Variants in GPC5 observed in about 807,000 individuals in gnomAD.
The protein encoded by GPC5 is glypican 5.
In GPC5, 47 loss-of-function variants were observed where a neutral mutation model predicts 53.9. The ratio of observed to expected loss-of-function variants is 0.87; its 90% CI spans 0.69 to 1.11. The LOEUF (loss-of-function observed/expected upper bound fraction) is 1.11, where lower values mean the gene tolerates loss of function less well. Ranked by LOEUF, GPC5 falls within the 50% of genes most tolerant of loss-of-function variation. GPC5 has a pLI of 0.00. For synonymous variants in GPC5, 286 were observed against 263.3 expected, an observed-to-expected ratio of 1.09 and a Z score of -0.84; for missense variants, 748 against 713.1, an observed-to-expected ratio of 1.05 and a Z score of -0.56.
chr13:92,227,523 A>G (rs550036010), intron 7 of GPC5, among the ~76,000 whole-genome samples: 2 of 152,296 alleles, frequency 1.3e-5, no homozygotes, highest in South Asian at 4.1e-4. Context: ...CTTAAATGTA[A>G]ACAGAGCCAA....
intron 6 of GPC5, among the ~76,000 whole-genome samples, chr13:91,910,541 G>A (rs1021997051): frequency 7.9e-5 from 12 of 151,956 alleles, no homozygotes; most frequent in African/African-American, 2.4e-4. Flanking sequence ...CCATAGGGAC[G>A]TACCTATATT....
intron 7 of GPC5, among the ~76,000 whole-genome samples, chr13:92,257,546 A>ATTTTTTTTTTGTTTTTTTTTTTT (rs2042735349): frequency 1.4e-5 from 1 of 72,966 alleles, no homozygotes; most frequent in Admixed American, 1.9e-4. Context: ...TAATACAGGG[A>ATTTTTTTTTTGTTTTTTTTTTTT]TTTTTTTTTT....
intron 7 of GPC5, among the ~76,000 whole-genome samples, chr13:92,183,277 G>A (rs558707998): frequency 6.6e-6 from 1 of 152,142 alleles, no homozygotes; most frequent in South Asian, 2.1e-4. Flanking sequence ...AAGCTCTTAC[G>A]AAGTATAAGC....
intron 1 of GPC5, among the ~76,000 whole-genome samples, chr13:91,403,368 G>T (rs1281453378): frequency 6.6e-6 from 1 of 152,164 alleles, no homozygotes; most frequent in Non-Finnish European, 1.5e-5. Flanking sequence ...ATAGGATTTG[G>T]GCTTGTGGTG....
At chr13:92,506,093 TAAAGGTC>T (rs1276014606) in intron 7 of GPC5, among the ~76,000 whole-genome samples, 2 of 152,128 alleles carry the variant, frequency 1.3e-5, no homozygotes, top group African/African-American at 4.8e-5. Flanking sequence ...TATGCCACAT[TAAAGGTC>T]AATTTTATTG....
At chr13:92,093,036 A>G (rs1333502960) in intron 6 of GPC5, among the ~76,000 whole-genome samples, 1 of 152,210 alleles carries the variant, frequency 6.6e-6, no homozygotes, top group Non-Finnish European at 1.5e-5. Flanking sequence ...CAGTTGTGAA[A>G]CAGGTAAAAC....
At chr13:91,688,924 C>T (rs1052945006) in intron 2 of GPC5, among the ~76,000 whole-genome samples, 1 of 151,582 alleles carries the variant, frequency 6.6e-6, no homozygotes, top group Admixed American at 6.6e-5. Context: ...CTGTGGGAGG[C>T]TGAAGGAGCA....
At chr13:92,162,761 G>T (rs1281231029) in intron 7 of GPC5, among the ~76,000 whole-genome samples, 1 of 152,116 alleles carries the variant, frequency 6.6e-6, no homozygotes, top group African/African-American at 2.4e-5. Flanking sequence ...AAAGTTAAGG[G>T]CCTATCACAG....
intron 7 of GPC5, among the ~76,000 whole-genome samples, chr13:92,494,407 T>C (rs1029059543): frequency 2.0e-5 from 3 of 152,306 alleles, no homozygotes; most frequent in Admixed American, 6.5e-5. Flanking sequence ...CTTTTAAATC[T>C]ACTGAAGAAC....
intron 7 of GPC5, among the ~76,000 whole-genome samples, chr13:92,832,277 C>A (rs1878072337): frequency 6.6e-6 from 1 of 152,066 alleles, no homozygotes; most frequent in African/African-American, 2.4e-5. Context: ...ATCAACATGG[C>A]ATTTGTCTGC....
chr13:92,575,349 A>G (rs1883157440), intron 7 of GPC5, among the ~76,000 whole-genome samples: 1 of 152,178 alleles, frequency 6.6e-6, no homozygotes, highest in Non-Finnish European at 1.5e-5. Context: ...TTTGAAACAC[A>G]GACACATTGG....
intron 3 of GPC5, among the ~76,000 whole-genome samples, chr13:91,694,319 T>A (rs928211719): frequency 1.3e-5 from 2 of 152,198 alleles, no homozygotes. Flanking sequence ...AAATGGGTAG[T>A]TATTGTTAGA....
intron 7 of GPC5, among the ~76,000 whole-genome samples, chr13:92,752,639 G>A (rs112173150): frequency 2.0e-5 from 3 of 152,170 alleles, no homozygotes; most frequent in Non-Finnish European, 4.4e-5. Context: ...CGCGCACCGT[G>A]CGCGAGCTGA....
chr13:92,112,750 A>G (rs1198168562), intron 6 of GPC5, among the ~76,000 whole-genome samples: 2 of 152,124 alleles, frequency 1.3e-5, no homozygotes, highest in East Asian at 1.9e-4. Context: ...GTGTGTGTGT[A>G]TATATATGTA....
chr13:92,299,644 TTAACTA>T (rs1297349971), intron 7 of GPC5, among the ~76,000 whole-genome samples: 1 of 152,194 alleles, frequency 6.6e-6, no homozygotes, highest in African/African-American at 2.4e-5. Flanking sequence ...CAGATGATCT[TTAACTA>T]TAATTATTCC....
At chr13:92,321,293 G>A (rs187088909) in intron 7 of GPC5, among the ~76,000 whole-genome samples, 4 of 152,306 alleles carry the variant, frequency 2.6e-5, no homozygotes, top group Non-Finnish European at 4.4e-5. Context: ...AGTTAAAGAT[G>A]AGTCTAAAAT....
At chr13:91,798,153 C>T (rs2938874) in intron 5 of GPC5, among the ~76,000 whole-genome samples, 54,667 of 151,986 alleles carry the variant, frequency 0.36, 11,143 homozygotes, top group African/African-American at 0.56. Context: ...ACATATGCAT[C>T]TCATTTAAAA....
chr13:91,787,943 A>G (rs2037904133), intron 5 of GPC5, among the ~76,000 whole-genome samples: 1 of 152,202 alleles, frequency 6.6e-6, no homozygotes, highest in Non-Finnish European at 1.5e-5. Flanking sequence ...TGCATGAAAG[A>G]AACACTGAAG....
At chr13:91,851,770 G>A (rs1467078199) in intron 5 of GPC5, among the ~76,000 whole-genome samples, 4 of 141,166 alleles carry the variant, frequency 2.8e-5, no homozygotes, top group Admixed American at 7.2e-5. Context: ...TTGTTCTTGC[G>A]ATAGTTTACT....
Sources: gnomAD v4.1 joint callset for allele counts (sites outside exome capture counted in the v4.1 genomes callset) on GRCh38, gnomAD v4.1.1 for gene constraint, MANE v1.5 for transcripts, NCBI Gene and HGNC (gene_info 2026-07-23, HGNC 2026-07-21) for gene names.